ATP10B: variants seen among roughly 807,000 people sequenced by gnomAD.
The protein encoded by ATP10B is phospholipid-transporting ATPase VB.
Under a neutral mutation model 141.2 loss-of-function variants are expected in ATP10B, and 122 were observed. The ratio of observed to expected loss-of-function variants is 0.86; its 90% CI spans 0.75 to 1.00. The LOEUF (loss-of-function observed/expected upper bound fraction) is 1.00, where lower values mean the gene tolerates loss of function less well. Among genes scored for constraint, ATP10B ranks in the 50% least tolerant of loss-of-function variants. The pLI, the probability that ATP10B is intolerant of heterozygous loss-of-function variation, is 0.00. For synonymous variants in ATP10B, 685 were observed against 692.0 expected (o/e 0.99, Z 0.16); for missense variants, 1,876 against 1,825.3 (o/e 1.03, Z -0.51).
intron 17 of ATP10B, chr5:160,613,919 T>C (rs1708210628): frequency 6.6e-6 from 1 of 152,222 alleles, no homozygotes. Flanking sequence ...GCATTTTGTT[T>C]CTTTTAATAA....
chr5:160,880,083 A>G, the ATP10B span, among the ~76,000 whole-genome samples: 1 of 150,280 alleles, frequency 6.7e-6, no homozygotes, highest in Non-Finnish European at 1.5e-5. Context: ...CATAGAATAT[A>G]TCATCTATGT....
At chr5:160,654,548 C>T (rs547556041) in intron 7 of ATP10B, among the ~76,000 whole-genome samples, 2 of 152,274 alleles carry the variant, frequency 1.3e-5, no homozygotes, top group East Asian at 1.9e-4. Context: ...ATCTGGAGCA[C>T]TTACTATGTG....
At chr5:160,735,036 C>T (rs188282598) in intron 2 of ATP10B, among the ~76,000 whole-genome samples, 1 of 149,264 alleles carries the variant, frequency 6.7e-6, no homozygotes, top group Non-Finnish European at 1.5e-5. Context: ...AATAATATCA[C>T]CAGAGAAAAT....
At chr5:160,867,492 T>C in the ATP10B span, among the ~76,000 whole-genome samples, 4 of 152,180 alleles carry the variant, frequency 2.6e-5, no homozygotes, top group Non-Finnish European at 5.9e-5. Context: ...GGGCTACTCC[T>C]GAGCAACTTG....
chr5:160,812,609 T>C (rs796611144), intron 1 of ATP10B, among the ~76,000 whole-genome samples: 28 of 152,266 alleles, frequency 1.8e-4, no homozygotes, highest in African/African-American at 6.7e-4. Context: ...GCAATTGACA[T>C]ACTGAAGGAT....
chr5:160,922,431 T>C, the ATP10B span, among the ~76,000 whole-genome samples: 2 of 152,198 alleles, frequency 1.3e-5, no homozygotes, highest in African/African-American at 4.8e-5. Context: ...TAGTTTCAGA[T>C]GATTCACTGA....
Position 160,806,272 on chromosome 5 carries a change from A to G in ATP10B, c.-575-20469T>C, listed in dbSNP as rs566483854. ...AAATTAACCATCACAGAGGGATTCC[A>G]TGTAAAGAGAGTTGCCAGTCCAATT... On this transcript the variant is annotated intron_variant, in intron 1 of 25. Transcript: ENST00000327245. Among the ~76,000 whole-genome samples the G allele has an allele frequency of 3.3e-5, 5 of 152,346 alleles. No homozygotes were observed. The South Asian group carries it at 8.3e-4, about 25-fold the overall frequency.
chr5:160,620,954 G>A lies in ATP10B; in HGVS notation c.1813-4C>T. 2 of 1,604,328 alleles carry A rather than the reference G, an allele frequency of 1.2e-6. No homozygotes were observed. Among genetic ancestry groups the A allele is most frequent in the Non-Finnish European group, 1.7e-6 (2 of 1,174,772 alleles). ...TGCTTGAGGGTTTGATGGTGACCTT[G>A]TGGCCAAAGAAGGAAAGTGGAATAT... On this transcript the variant is annotated splice_region_variant and splice_polypyrimidine_tract_variant and intron_variant, in intron 14 of 25. Coordinates refer to ENST00000327245, the MANE Select transcript of ATP10B (RefSeq NM_025153.3).
chr5:160,848,826 A>G (rs1481449284), intron 1 of ATP10B, among the ~76,000 whole-genome samples: 1 of 152,216 alleles, frequency 6.6e-6, no homozygotes, highest in Non-Finnish European at 1.5e-5. Flanking sequence ...TATTTGATAT[A>G]ATACGTGAGT....
chr5:160,719,771 T>A (rs1422346704), intron 2 of ATP10B, among the ~76,000 whole-genome samples: 1 of 152,232 alleles, frequency 6.6e-6, no homozygotes, highest in Non-Finnish European at 1.5e-5. Context: ...TCTCTAATAC[T>A]TACCATCACT....
chr5:160,606,324 G>C (rs971400422), intron 19 of ATP10B, among the ~76,000 whole-genome samples: 3 of 152,086 alleles, frequency 2.0e-5, no homozygotes, highest in African/African-American at 7.2e-5. Context: ...TTAAACATGA[G>C]ACAGTACCAA....
the ATP10B span, among the ~76,000 whole-genome samples, chr5:160,900,908 G>GTTTTTTTTTTTTT: frequency 1.1e-5 from 1 of 88,954 alleles, no homozygotes; most frequent in Admixed American, 1.4e-4. Flanking sequence ...GGGTAGAGAA[G>GTTTTTTTTTTTTT]TTTTTTTTTT....
chr5:160,685,526 C>A (rs1763697526), intron 6 of ATP10B: 1 of 254,940 alleles, frequency 3.9e-6, no homozygotes, highest in Admixed American at 5.3e-5. Flanking sequence ...TAAAACCTAC[C>A]TGGTTCTAAA....
chr5:160,777,955 T>C (rs1300666020), intron 2 of ATP10B, among the ~76,000 whole-genome samples: 1 of 144,942 alleles, frequency 6.9e-6, no homozygotes, highest in East Asian at 2.1e-4. Flanking sequence ...CTACAGAGAC[T>C]GGGTGTATCA....
At chr5:160,689,140 T>C (rs1396750914) in intron 3 of ATP10B, among the ~76,000 whole-genome samples, 197 bp from the exon 4 acceptor site, 1 of 152,216 alleles carries the variant, frequency 6.6e-6, no homozygotes, top group African/African-American at 2.4e-5. Flanking sequence ...TATGATTACC[T>C]CAATAGATGC....
At chr5:160,743,529 A>G (rs1163765895) in intron 2 of ATP10B, among the ~76,000 whole-genome samples, 3 of 152,164 alleles carry the variant, frequency 2.0e-5, no homozygotes, top group Non-Finnish European at 4.4e-5. Flanking sequence ...AGAGAGGTCA[A>G]TCAATGCAGG....
chr5:160,909,112 A>G, the ATP10B span, among the ~76,000 whole-genome samples: 1 of 152,208 alleles, frequency 6.6e-6, no homozygotes, highest in Non-Finnish European at 1.5e-5. Context: ...AGACAAAGAA[A>G]GGCAATTGCA....
the ATP10B span, among the ~76,000 whole-genome samples, chr5:160,879,477 G>T: frequency 7.1e-6 from 1 of 141,748 alleles, no homozygotes; most frequent in African/African-American, 2.6e-5. Flanking sequence ...CATGGCACAT[G>T]TATACGTATG....
At chr5:160,924,008 T>C in the ATP10B span, among the ~76,000 whole-genome samples, 1 of 152,200 alleles carries the variant, frequency 6.6e-6, no homozygotes, top group African/African-American at 2.4e-5. Flanking sequence ...AAGGGTTGTC[T>C]GGGAAAGCCA....
Sources: gnomAD v4.1 joint callset for allele counts (sites outside exome capture counted in the v4.1 genomes callset) on GRCh38, gnomAD v4.1.1 for gene constraint, MANE v1.5 for transcripts, NCBI Gene and HGNC (gene_info 2026-07-23, HGNC 2026-07-21) for gene names.